Variants in CNBD1 observed in about 807,000 individuals in gnomAD.
The protein encoded by CNBD1 is cyclic nucleotide binding domain containing 1.
Under a neutral mutation model 54.4 loss-of-function variants are expected in CNBD1, and 71 were observed. The ratio of observed to expected loss-of-function variants is 1.30; its 90% CI spans 1.08 to 1.59. The LOEUF (loss-of-function observed/expected upper bound fraction) is 1.59, where lower values mean the gene tolerates loss of function less well. CNBD1 is among the 40% of genes most tolerant of loss of function. The pLI, the probability that CNBD1 is intolerant of heterozygous loss-of-function variation, is 0.00. For synonymous variants in CNBD1, 182 were observed against 170.7 expected (o/e 1.07, Z -0.51); for missense variants, 659 against 518.0 (o/e 1.27, Z -2.64).
At chr8:87,093,661 C>G (rs1035261030) in intron 4 of CNBD1, among the ~76,000 whole-genome samples, 2 of 152,156 alleles carry the variant, frequency 1.3e-5, no homozygotes, top group Admixed American at 1.3e-4. Flanking sequence ...CATATACAAT[C>G]AACCATGACA....
chr8:86,982,156 TAATG>T (rs1398369733), intron 4 of CNBD1, among the ~76,000 whole-genome samples: 3 of 152,198 alleles, frequency 2.0e-5, no homozygotes, highest in Non-Finnish European at 4.4e-5. Flanking sequence ...CTTTAATAAT[TAATG>T]ATGTTGAACA....
intron 10 of CNBD1, among the ~76,000 whole-genome samples, chr8:87,380,768 T>G (rs1172368561): frequency 6.6e-6 from 1 of 152,030 alleles, no homozygotes; most frequent in African/African-American, 2.4e-5. Flanking sequence ...TTATTGTTTT[T>G]TAGGACTGTT....
At chr8:87,297,482 A>C (rs905814850) in intron 8 of CNBD1, among the ~76,000 whole-genome samples, 1 of 152,196 alleles carries the variant, frequency 6.6e-6, no homozygotes, top group Non-Finnish European at 1.5e-5. Flanking sequence ...AAATATTGGC[A>C]TAACAGATAT....
In CNBD1 at chr8:86,956,211, C is replaced by G. The variant is rs554449612; in HGVS notation, c.431+16457C>G. Among the ~76,000 whole-genome samples the G allele has an allele frequency of 3.4e-4, 52 of 152,200 alleles. 1 individual carries two copies. The highest frequency in any genetic ancestry group is 8.3e-4 in the South Asian group (4 of 4,822). On this transcript the variant is annotated intron_variant, in intron 4 of 10. Coordinates refer to ENST00000518476, the MANE Select transcript of CNBD1 (RefSeq NM_173538.3). ...CTATATCTCTGTTTTGGTACCAGTACCATGCTGTTTTGGTTACTGTAGCCT... is the reference window on the plus strand; with the variant it reads ...CTATATCTCTGTTTTGGTACCAGTAGCATGCTGTTTTGGTTACTGTAGCCT...
intron 4 of CNBD1, among the ~76,000 whole-genome samples, chr8:87,131,019 C>A (rs1185757935): frequency 6.6e-6 from 1 of 152,038 alleles, no homozygotes; most frequent in Non-Finnish European, 1.5e-5. Flanking sequence ...AGCCTTCTTA[C>A]CCGGTTTACA....
chr8:87,170,477 G>C (rs1014258262), intron 4 of CNBD1, among the ~76,000 whole-genome samples: 1 of 152,120 alleles, frequency 6.6e-6, no homozygotes, highest in Non-Finnish European at 1.5e-5. Flanking sequence ...TGGTGAAAGT[G>C]GGGATTCTTG....
chr8:87,242,040 T>C (rs1807718294), intron 6 of CNBD1, among the ~76,000 whole-genome samples: 2 of 152,162 alleles, frequency 1.3e-5, no homozygotes, highest in Admixed American at 6.5e-5. Context: ...GGTCAGACAT[T>C]CCTCATTATA....
At chr8:87,246,582 G>A (rs749594260) in intron 6 of CNBD1, among the ~76,000 whole-genome samples, 15 of 152,080 alleles carry the variant, frequency 9.9e-5, no homozygotes, top group Non-Finnish European at 2.2e-4. Flanking sequence ...TGAGATAGAT[G>A]ACTTTAGGGA....
intron 4 of CNBD1, among the ~76,000 whole-genome samples, chr8:87,162,042 T>C (rs950030800): frequency 1.3e-4 from 20 of 152,132 alleles, no homozygotes; most frequent in African/African-American, 4.6e-4. Context: ...AGAATTACTC[T>C]GAACAGGGAC....
chr8:86,870,556 C>T (rs1305664858), intron 1 of CNBD1, among the ~76,000 whole-genome samples: 2 of 152,070 alleles, frequency 1.3e-5, no homozygotes, highest in African/African-American at 4.8e-5. Flanking sequence ...TATGGCTTTA[C>T]ATTTACTGCA....
chr8:87,369,214 T>C (rs1810707745), intron 10 of CNBD1, among the ~76,000 whole-genome samples: 1 of 152,030 alleles, frequency 6.6e-6, no homozygotes, highest in Non-Finnish European at 1.5e-5. Context: ...CATATTTTTC[T>C]TTTACTAGGA....
chr8:87,291,311 C>T (rs1287777559), intron 8 of CNBD1, among the ~76,000 whole-genome samples: 1 of 152,078 alleles, frequency 6.6e-6, no homozygotes, highest in Non-Finnish European at 1.5e-5. Flanking sequence ...GGAGAAGTTA[C>T]TTACCCCTCA....
chr8:87,119,967 A>G (rs1811857938), intron 4 of CNBD1, among the ~76,000 whole-genome samples: 1 of 151,696 alleles, frequency 6.6e-6, no homozygotes, highest in South Asian at 2.1e-4. Flanking sequence ...ATGTACTGTT[A>G]GTGGTTTGCT....
At chr8:86,959,396 G>C (rs1807869748) in intron 4 of CNBD1, among the ~76,000 whole-genome samples, 1 of 152,174 alleles carries the variant, frequency 6.6e-6, no homozygotes, top group Admixed American at 6.5e-5. Flanking sequence ...TTGTTGGCCT[G>C]CCTTGCTAGG....
chr8:87,018,429 C>G (rs1248403464), intron 4 of CNBD1, among the ~76,000 whole-genome samples: 2 of 152,222 alleles, frequency 1.3e-5, no homozygotes, highest in Admixed American at 1.3e-4. Context: ...AAGCATAACA[C>G]TTAATACTGG....
At chr8:87,300,638 G>C (rs1285445968) in intron 8 of CNBD1, among the ~76,000 whole-genome samples, 1 of 152,036 alleles carries the variant, frequency 6.6e-6, no homozygotes, top group Non-Finnish European at 1.5e-5. Flanking sequence ...ACAATGGATA[G>C]TGCTTGTAGT....
intron 4 of CNBD1, among the ~76,000 whole-genome samples, chr8:87,153,406 T>C (rs1360526354): frequency 2.0e-5 from 3 of 152,150 alleles, no homozygotes; most frequent in Admixed American, 6.5e-5. Flanking sequence ...GAGGGACCTT[T>C]AAGCTATAAT....
At chr8:87,258,227 G>A (rs547493405) in intron 6 of CNBD1, among the ~76,000 whole-genome samples, 21 of 151,968 alleles carry the variant, frequency 1.4e-4, no homozygotes, top group African/African-American at 5.1e-4. Context: ...ACTTGATATT[G>A]TAAACTAGAA....
intron 2 of CNBD1, among the ~76,000 whole-genome samples, chr8:87,423,560 T>TTATA (rs1432657348): frequency 6.6e-6 from 1 of 150,376 alleles, no homozygotes; most frequent in African/African-American, 2.5e-5. Flanking sequence ...TTGGCTCTGT[T>TTATA]TATATGCTGG....
Sources: allele counts gnomAD v4.1 joint callset (sites outside exome capture counted in the v4.1 genomes callset), GRCh38; gene constraint gnomAD v4.1.1; transcripts MANE v1.5; gene names NCBI Gene and HGNC (gene_info 2026-07-23, HGNC 2026-07-21).